Variants in SDK1 observed in about 807,000 individuals in gnomAD.
SDK1 encodes sidekick cell adhesion molecule 1.
Under a neutral mutation model 245.5 loss-of-function variants are expected in SDK1, and 157 were observed. That is an observed-to-expected ratio of 0.64 (90% confidence interval 0.56 to 0.73). The LOEUF is 0.73. SDK1 is among the 30% of genes least tolerant of loss of function. The pLI, the probability that SDK1 is intolerant of heterozygous loss-of-function variation, is 0.00. For synonymous variants in SDK1, 1,647 were observed against 1,278.5 expected, an observed-to-expected ratio of 1.29 and a Z score of -6.15; for missense variants, 3,583 against 3,002.3, an observed-to-expected ratio of 1.19 and a Z score of -4.52.
intron 17 of SDK1, among the ~76,000 whole-genome samples, chr7:4,028,686 G>A (rs1031198194): frequency 6.6e-6 from 1 of 152,210 alleles, no homozygotes; most frequent in Non-Finnish European, 1.5e-5. Context: ...GACAGGCTGG[G>A]AAGGTCTCAT....
At chr7:3,658,934 C>T (rs1783272599) in intron 4 of SDK1, among the ~76,000 whole-genome samples, 1 of 152,086 alleles carries the variant, frequency 6.6e-6, no homozygotes, top group Admixed American at 6.5e-5. Context: ...CACTATCTAA[C>T]AGAATATTTC....
intron 1 of SDK1, among the ~76,000 whole-genome samples, chr7:3,447,938 AG>A (rs34149107): frequency 0.032 from 4,932 of 152,112 alleles, 109 homozygotes; most frequent in Non-Finnish European, 0.05. Context: ...TCCCGAGCTC[AG>A]GTGATCCACC....
chr7:3,774,663 C>G (rs894440657), intron 4 of SDK1, among the ~76,000 whole-genome samples: 1 of 152,154 alleles, frequency 6.6e-6, no homozygotes, highest in Non-Finnish European at 1.5e-5. Flanking sequence ...AATACAGACT[C>G]CTGGTTCTCT....
intron 1 of SDK1, among the ~76,000 whole-genome samples, chr7:3,457,037 T>G (rs1280109934): frequency 6.6e-6 from 1 of 152,178 alleles, no homozygotes; most frequent in Non-Finnish European, 1.5e-5. Context: ...CCTGGCTGCC[T>G]GGGAACTTTA....
chr7:3,708,168 G>GA (rs1784945069), intron 4 of SDK1, among the ~76,000 whole-genome samples: 1 of 152,110 alleles, frequency 6.6e-6, no homozygotes, highest in Non-Finnish European at 1.5e-5. Flanking sequence ...AATGAGAGGG[G>GA]AGATGCCACA....
At chr7:4,039,733 A>C (rs901232249) in intron 17 of SDK1, among the ~76,000 whole-genome samples, 1 of 152,214 alleles carries the variant, frequency 6.6e-6, no homozygotes, top group African/African-American at 2.4e-5. Flanking sequence ...TTATTATAAC[A>C]TCTTTAAAAA....
chr7:3,873,045 G>A (rs1780994792), intron 5 of SDK1, among the ~76,000 whole-genome samples: 1 of 151,902 alleles, frequency 6.6e-6, no homozygotes, highest in Non-Finnish European at 1.5e-5. Flanking sequence ...TGCTTTTCAT[G>A]TCTTCGTATT....
At chr7:3,619,530 A>G (rs759422068) in intron 2 of SDK1, among the ~76,000 whole-genome samples, 10 of 152,256 alleles carry the variant, frequency 6.6e-5, no homozygotes, top group African/African-American at 9.6e-5. Flanking sequence ...CAGCTTTGGT[A>G]TGATACATTT....
intron 1 of SDK1, among the ~76,000 whole-genome samples, chr7:3,557,284 A>G (rs1204383588): frequency 6.6e-6 from 1 of 152,226 alleles, no homozygotes; most frequent in Non-Finnish European, 1.5e-5. Context: ...TCCTAAAGCC[A>G]CTAAAGGACT....
intron 5 of SDK1, among the ~76,000 whole-genome samples, chr7:3,869,030 T>G (rs988570621): frequency 6.6e-6 from 1 of 152,150 alleles, no homozygotes; most frequent in African/African-American, 2.4e-5. Context: ...ACAAAGCTGA[T>G]TCTGGTGATT....
chr7:3,446,206 G>T (rs1159760690), intron 1 of SDK1, among the ~76,000 whole-genome samples: 1 of 151,996 alleles, frequency 6.6e-6, no homozygotes, highest in East Asian at 1.9e-4. Context: ...AATTCAAGCA[G>T]CTACTATGTG....
chr7:3,351,693 C>G (rs952788271), intron 1 of SDK1, among the ~76,000 whole-genome samples: 2 of 152,122 alleles, frequency 1.3e-5, no homozygotes, highest in African/African-American at 4.8e-5. Context: ...TGAAGAGGAT[C>G]ACTGCACAGT....
intron 4 of SDK1, among the ~76,000 whole-genome samples, chr7:3,664,078 C>A (rs1375784984): frequency 6.6e-6 from 1 of 152,118 alleles, no homozygotes; most frequent in East Asian, 1.9e-4. Context: ...GGACAACATT[C>A]AATGCTTGTT....
intron 22 of SDK1, among the ~76,000 whole-genome samples, chr7:4,081,620 A>T (rs1781065232): frequency 6.6e-6 from 1 of 151,922 alleles, no homozygotes; most frequent in Non-Finnish European, 1.5e-5. Context: ...GGGTTTCACC[A>T]TGTTAGCCAG....
rs929944751 is a variant in SDK1, at chr7:4,172,785, C to A, written c.4801-1437C>A. Among the ~76,000 whole-genome samples, 25 of 152,132 alleles carry A rather than the reference C, an allele frequency of 1.6e-4. 1 individual carries two copies. Among genetic ancestry groups the A allele is most frequent in the African/African-American group, 5.6e-4 (23 of 41,418 alleles). ...CGATGACAACTCTTGGCGTTTTTCACTTATGGACGCGTTACTCCAGTCTCT... is the reference window on the plus strand; with the variant it reads ...CGATGACAACTCTTGGCGTTTTTCAATTATGGACGCGTTACTCCAGTCTCT... On this transcript the variant is annotated intron_variant, in intron 32 of 44. Transcript: ENST00000404826.
chr7:3,545,075 G>C (rs1779174281), intron 1 of SDK1, among the ~76,000 whole-genome samples: 1 of 152,280 alleles, frequency 6.6e-6, no homozygotes. Context: ...AGGAGAGCTG[G>C]TGCTATGTGG....
intron 28 of SDK1, among the ~76,000 whole-genome samples, chr7:4,141,488 G>C (rs1044230572): frequency 3.9e-5 from 6 of 152,216 alleles, no homozygotes; most frequent in Admixed American, 1.3e-4. Flanking sequence ...ACCATGCCCT[G>C]CTCCTGAAAG....
intron 10 of SDK1, 95 bp from the exon 11 acceptor site, chr7:3,969,162 C>G: frequency 8.5e-7 from 1 of 1,180,926 alleles, no homozygotes. Flanking sequence ...GGACACGGAG[C>G]CGAACCATAT....
At chr7:4,178,779 G>A (rs542498968) in intron 35 of SDK1, among the ~76,000 whole-genome samples, 193 bp downstream of exon 35, 1 of 152,250 alleles carries the variant, frequency 6.6e-6, no homozygotes, top group Non-Finnish European at 1.5e-5. Flanking sequence ...TTTCCTGACA[G>A]CTTCAGTGAA....
Sources: gnomAD v4.1 joint callset for allele counts (sites outside exome capture counted in the v4.1 genomes callset) on GRCh38, gnomAD v4.1.1 for gene constraint, MANE v1.5 for transcripts, NCBI Gene and HGNC (gene_info 2026-07-23, HGNC 2026-07-21) for gene names.